The following CREB3L1 variants were observed in gnomAD, a reference collection of about 807,000 sequenced individuals.
CREB3L1 encodes cyclic AMP-responsive element-binding protein 3-like protein 1.
CREB3L1 carries 33 observed loss-of-function variants against 54.5 expected under a neutral mutation model. The observed-to-expected ratio is 0.61, with a 90% CI of 0.46 to 0.81. The LOEUF is 0.81. Among genes scored for constraint, CREB3L1 ranks in the 30% least tolerant of loss-of-function variants. The pLI is 0.00. For synonymous variants in CREB3L1, 284 were observed against 286.4 expected, an observed-to-expected ratio of 0.99 and a Z score of 0.08; for missense variants, 656 against 673.3, an observed-to-expected ratio of 0.97 and a Z score of 0.29.
chr11:46,296,402 C>T (rs1358382493), intron 1 of CREB3L1, among the ~76,000 whole-genome samples: 1 of 152,058 alleles, frequency 6.6e-6, no homozygotes, highest in Non-Finnish European at 1.5e-5. Flanking sequence ...ATCACCAGCT[C>T]GCTCACTGTG....
In CREB3L1 at chr11:46,320,744, T is replaced by C; in HGVS notation, c.1558T>C (p.Ter520GlnextTer8). The stretch of plus-strand genomic sequence containing the variant: ...CCCCAACACCACCATCAAACTCTCC[T>C]AGGCCATGCCAAGACCCAGGACATA... Reference protein sequence around the residue: ...LGPNTTIKLS* With the variant: ...LGPNTTIKLSQ Residue 520 changes from the stop codon to glutamine (Q), a stop_lost, in exon 12 of 12, where the codon TAG becomes CAG. Coordinates refer to ENST00000621158, the MANE Select transcript of CREB3L1 (RefSeq NM_052854.4). 6.2e-7 allele frequency: 1 copy of C among 1,612,020 alleles called. No homozygotes were observed. The highest frequency in any genetic ancestry group is 8.5e-7 in the Non-Finnish European group (1 of 1,179,118).
At chr11:46,284,243 G>A (rs1046275872) in intron 1 of CREB3L1, among the ~76,000 whole-genome samples, 1 of 152,136 alleles carries the variant, frequency 6.6e-6, no homozygotes, top group African/African-American at 2.4e-5. Context: ...CCATGATGGA[G>A]CAGAGCATGG....
At chr11:46,296,314 A>G (rs986040401) in intron 1 of CREB3L1, among the ~76,000 whole-genome samples, 24 of 152,176 alleles carry the variant, frequency 1.6e-4, no homozygotes, top group Admixed American at 7.8e-4. Context: ...GATGCGGTGG[A>G]AGGAGTGAGA....
Position 46,277,891 on chromosome 11 carries a change from C to A in CREB3L1, c.-221C>A. 2.6e-6 allele frequency: 1 copy of A among 378,958 alleles called. No homozygotes were observed. Among genetic ancestry groups the A allele is most frequent in the Non-Finnish European group, 4.7e-6 (1 of 213,742 alleles). The allele number at this position is 378,958 out of a possible 1,614,324, so 23.5% of individuals were successfully genotyped here. On this transcript the variant is annotated 5_prime_UTR_variant, in exon 1 of 12. Coordinates refer to ENST00000621158, the MANE Select transcript of CREB3L1 (RefSeq NM_052854.4). ...TGAATGCCCACGGTGCGCCCGGGGC[C>A]CCTGAGCCCATCCCGCTCCTAGCCG...
chr11:46,298,662 G>A (rs949812782), intron 1 of CREB3L1, among the ~76,000 whole-genome samples: 16 of 152,154 alleles, frequency 1.1e-4, no homozygotes, highest in African/African-American at 3.9e-4. Context: ...TCATGCCACT[G>A]CACTCCAGCC....
intron 5 of CREB3L1, among the ~76,000 whole-genome samples, chr11:46,311,723 C>G (rs1423299855): frequency 6.6e-6 from 1 of 152,216 alleles, no homozygotes; most frequent in African/African-American, 2.4e-5. Flanking sequence ...GTCTCAATCT[C>G]TTGACCTCTT....
intron 1 of CREB3L1, among the ~76,000 whole-genome samples, chr11:46,281,046 CAA>C: frequency 6.6e-6 from 1 of 152,314 alleles, no homozygotes. Flanking sequence ...AGTGAGTACA[CAA>C]AGTCAAGACA....
Position 46,320,157 on chromosome 11 carries a change from G to A in CREB3L1, c.1259-107G>A, listed in dbSNP as rs540245858. On this transcript the variant is annotated intron_variant, in intron 10 of 11. Coordinates refer to ENST00000621158, the MANE Select transcript of CREB3L1 (RefSeq NM_052854.4). ...GGTCACACATCCGGGAAGTGTCAGA[G>A]CTGGGACTCAGATCCAGGGCCTGCG... 18 of 1,265,652 alleles carry A rather than the reference G, an allele frequency of 1.4e-5. 1 individual carries two copies. The Middle Eastern group carries it at 6.7e-4, about 47-fold the overall frequency. 78.4% of individuals were successfully genotyped at this position (1,265,652 alleles called of 1,614,324 possible). A position where few individuals can be genotyped will look rare whatever the true frequency, so the allele number is the denominator to read the frequency against.
intron 2 of CREB3L1, among the ~76,000 whole-genome samples, chr11:46,305,740 A>AT (rs1389336593): frequency 9.4e-5 from 10 of 106,898 alleles, no homozygotes; most frequent in African/African-American, 1.0e-4. Flanking sequence ...GTGTATATAT[A>AT]TATATATTTT....
chr11:46,310,566 C>A (rs1017232383), intron 4 of CREB3L1, among the ~76,000 whole-genome samples: 1 of 151,992 alleles, frequency 6.6e-6, no homozygotes, highest in Non-Finnish European at 1.5e-5. Flanking sequence ...CTGCACCCAG[C>A]CTTCGTCCAG....
intron 1 of CREB3L1, among the ~76,000 whole-genome samples, chr11:46,297,978 T>C (rs1003433666): frequency 6.6e-6 from 1 of 152,192 alleles, no homozygotes; most frequent in Non-Finnish European, 1.5e-5. Flanking sequence ...AGTACTAATC[T>C]AACAAAATTT....
chr11:46,320,731 C>A lies in CREB3L1; in HGVS notation c.1545C>A (p.Thr515=). 6.2e-7 allele frequency: 1 copy of A among 1,612,392 alleles called. No individual in the cohort carries two copies. The highest frequency in any genetic ancestry group is 1.7e-5 in the Admixed American group (1 of 59,816). ...CCAGGGATCTGGGCCCCAACACCAC[C>A]ATCAAACTCTCCTAGGCCATGCCAA... The part of the protein sequence containing the change: ...FHDRDLGPNT[T]IKLS The change falls in exon 12 of 12, where the codon ACC becomes ACA. Residue 515 remains threonine, a synonymous_variant. Transcript: ENST00000621158.
intron 6 of CREB3L1, 29 bp downstream of exon 6, chr11:46,312,503 G>A: frequency 1.2e-6 from 2 of 1,610,760 alleles, no homozygotes; most frequent in Non-Finnish European, 1.7e-6. Flanking sequence ...GGGCTTCAGA[G>A]GGCTTCCTTG....
chr11:46,307,754 G>C, intron 2 of CREB3L1, 62 bp from the exon 3 acceptor site: 7 of 1,394,524 alleles, frequency 5.0e-6, no homozygotes, highest in South Asian at 4.4e-5. Context: ...TAGCTCCCAG[G>C]GGGCAGGCAG....
chr11:46,301,974 G>A (rs577680356), intron 2 of CREB3L1, among the ~76,000 whole-genome samples: 154 of 151,438 alleles, frequency 1.0e-3, no homozygotes, highest in Non-Finnish European at 1.9e-3. Context: ...ATACTATCCT[G>A]GCTAACAGAG....
chr11:46,307,990 TC>T lies in CREB3L1; in HGVS notation c.511del (p.His171ThrfsTer7). 2 of 1,538,406 alleles carry T rather than the reference TC, an allele frequency of 1.3e-6. No individual in the cohort carries two copies. The highest frequency in any genetic ancestry group is 1.2e-5 in the South Asian group (1 of 83,100). On this transcript the variant is annotated frameshift_variant, in exon 3 of 12. Transcript: ENST00000621158. LOFTEE classifies it high-confidence loss of function. ...LGLSPLSRLP[I>X]PHQAPGEMTQ... ...CTCAGCCCCTTGTCCAGGCTGCCCA[TC>T]CCCCACCAGGTGAGCCTGGGAACTG...
intron 1 of CREB3L1, among the ~76,000 whole-genome samples, chr11:46,283,110 G>A (rs1939003947): frequency 6.6e-6 from 1 of 152,120 alleles, no homozygotes; most frequent in Non-Finnish European, 1.5e-5. Flanking sequence ...AGGATCACTT[G>A]GGCTGGGGAG....
In CREB3L1 at chr11:46,320,144, G is replaced by A. The variant is rs747761063; in HGVS notation, c.1259-120G>A. The stretch of plus-strand genomic sequence containing the variant: ...GTGGCTTACCTGAGGTCACACATCC[G>A]GGAAGTGTCAGAGCTGGGACTCAGA... On this transcript the variant is annotated intron_variant, in intron 10 of 11. Coordinates refer to ENST00000621158, the MANE Select transcript of CREB3L1 (RefSeq NM_052854.4). 75 of 1,122,840 alleles carry A rather than the reference G, an allele frequency of 6.7e-5. 1 individual carries two copies. Among genetic ancestry groups the A allele is most frequent in the South Asian group, 2.0e-4 (12 of 59,682 alleles). The allele number at this position is 1,122,840 out of a possible 1,614,324, so 69.6% of individuals were successfully genotyped here. A position where few individuals can be genotyped will look rare whatever the true frequency, so the allele number is the denominator to read the frequency against.
rs576865931 is a variant in CREB3L1, at chr11:46,286,630, C to T, written c.102+8417C>T. ...TGAAACCCCGTCTCTACTAAAAATA[C>T]AAAAATTAGCCAGGCGTGGTGGCGG... On this transcript the variant is annotated intron_variant, in intron 1 of 11. Coordinates refer to ENST00000621158, the MANE Select transcript of CREB3L1 (RefSeq NM_052854.4). Among the ~76,000 whole-genome samples the T allele has an allele frequency of 2.6e-3, 393 of 152,008 alleles. 2 individuals are homozygous for T. Among genetic ancestry groups the T allele is most frequent in the Non-Finnish European group, 4.5e-3 (303 of 67,972 alleles).
Sources: gnomAD v4.1 joint callset for allele counts (sites outside exome capture counted in the v4.1 genomes callset) on GRCh38, gnomAD v4.1.1 for gene constraint, MANE v1.5 for transcripts, NCBI Gene and HGNC (gene_info 2026-07-23, HGNC 2026-07-21) for gene names.